ADCY8: variants seen among roughly 807,000 people sequenced by gnomAD.
ADCY8 encodes adenylate cyclase 8, also known as adenylate cyclase type 8.
ADCY8 carries 51 observed loss-of-function variants against 119.7 expected under a neutral mutation model. The observed-to-expected ratio is 0.43, with a 90% confidence interval of 0.34 to 0.54. The LOEUF is 0.54. ADCY8 is among the 20% of genes least tolerant of loss of function. The pLI is 0.03. For synonymous variants in ADCY8, 665 were observed against 651.0 expected (o/e 1.02, Z -0.33); for missense variants, 1,383 against 1,598.8 (o/e 0.87, Z 2.30).
Position 130,800,715 on chromosome 8 carries a change from A to G in ADCY8, c.2914-143T>C. 5.5e-6 allele frequency: 5 copies of G among 905,402 alleles called. No homozygotes were observed. In the South Asian group the frequency reaches 8.4e-5, roughly 15 times the overall value. The allele number at this position is 905,402 out of a possible 1,614,324, so 56.1% of individuals were successfully genotyped here. On this transcript the variant is annotated intron_variant, in intron 14 of 17. Transcript: ENST00000286355. ...AATGAGGCTTGGATATCGTTATGTC[A>G]ACAGTGTGTTTTAGTCCATGTGGGC... is the stretch of plus-strand genomic sequence containing the variant.
rs183368238 is a variant in ADCY8 at position 130,842,944 on chromosome 8, T to C, written c.2502+4480A>G. On this transcript the variant is annotated intron_variant, in intron 11 of 17. Coordinates refer to ENST00000286355, the MANE Select transcript of ADCY8 (RefSeq NM_001115.3). ...GAGTTGGTCTTCTTTGGTTGATTTT[T>C]TTCCCTCATTATCAGTCATATTTTC... is the stretch of plus-strand genomic sequence containing the variant. 3.9e-5 allele frequency among the ~76,000 whole-genome samples: 6 copies of C among 152,240 alleles called. No individual in the cohort carries two copies. The East Asian group carries it at 1.2e-3, about 29-fold the overall frequency.
chr8:131,037,533 C>T (rs960112279), intron 1 of ADCY8, among the ~76,000 whole-genome samples: 2 of 151,948 alleles, frequency 1.3e-5, no homozygotes, highest in Non-Finnish European at 2.9e-5. Flanking sequence ...CTGAGAAAGG[C>T]TATTGCGTGA....
Position 131,040,151 on chromosome 8 carries a change from C to CCCGCTG in ADCY8, c.177_182dup (p.Ser62_Gly63dup), listed in dbSNP as rs1359729000. On this transcript the variant is annotated inframe_insertion, in exon 1 of 18. Transcript: ENST00000286355. ...CCGAGGCTTTGCCCGAGCCTCCACT[C>CCCGCTG]CCGCTGCCGCTGCCTCCCCGGTGCC... 1 of 1,532,828 alleles carries CCCGCTG rather than the reference C, an allele frequency of 6.5e-7. No homozygotes were observed. The highest frequency in any genetic ancestry group is 8.7e-7 in the Non-Finnish European group (1 of 1,145,440). 95.0% of individuals were successfully genotyped at this position (1,532,828 alleles called of 1,614,324 possible). A position where few individuals can be genotyped will look rare whatever the true frequency, so the allele number is the denominator to read the frequency against.
chr8:131,002,564 TAC>T (rs1822984279), intron 1 of ADCY8, among the ~76,000 whole-genome samples: 1 of 151,992 alleles, frequency 6.6e-6, no homozygotes, highest in African/African-American at 2.4e-5. Flanking sequence ...TTATAAATAG[TAC>T]ACACTGAATT....
At chr8:130,905,407 A>G (rs1486544510) in intron 6 of ADCY8, among the ~76,000 whole-genome samples, 1 of 152,188 alleles carries the variant, frequency 6.6e-6, no homozygotes. Flanking sequence ...GATTCAACGT[A>G]CTATTTGGTG....
At position 130,836,268 on chromosome 8, in the gene ADCY8, G is replaced by A. The variant is rs1414419176; in HGVS notation, c.2675+9C>T. 1.9e-6 allele frequency: 3 copies of A among 1,606,278 alleles called. No homozygotes were observed. Among genetic ancestry groups the A allele is most frequent in the African/African-American group, 2.7e-5 (2 of 74,652 alleles). On this transcript the variant is annotated intron_variant, in intron 12 of 17. Coordinates refer to ENST00000286355, the MANE Select transcript of ADCY8 (RefSeq NM_001115.3). ...AGCACACTTTGGACTCACGGTGGTG[G>A]GCACTTACTCTCCACTGTGGTTGAG...
intron 14 of ADCY8, among the ~76,000 whole-genome samples, chr8:130,809,018 A>T (rs899071581): frequency 4.3e-4 from 66 of 152,308 alleles, no homozygotes; most frequent in African/African-American, 1.5e-3. Context: ...GTTCCTGACC[A>T]GAGGAAGTGA....
chr8:130,945,926 C>A (rs570569080), intron 3 of ADCY8, among the ~76,000 whole-genome samples: 13 of 152,158 alleles, frequency 8.5e-5, no homozygotes, highest in Non-Finnish European at 1.6e-4. Context: ...CTGAGGCCTA[C>A]GTATCTTGCC....
intron 14 of ADCY8, among the ~76,000 whole-genome samples, chr8:130,808,190 C>G (rs970058006): frequency 5.3e-5 from 8 of 152,024 alleles, no homozygotes; most frequent in African/African-American, 1.7e-4. Context: ...GTCTTGTCTT[C>G]CCACAGAAAC....
In ADCY8 at chr8:130,836,158, A is replaced by G. The variant is rs1314090892; in HGVS notation, c.2675+119T>C. 2.6e-5 allele frequency: 29 copies of G among 1,127,938 alleles called. No individual in the cohort carries two copies. In the Admixed American group the frequency reaches 7.2e-4, roughly 28 times the overall value. The allele number at this position is 1,127,938 out of a possible 1,614,324, so 69.9% of individuals were successfully genotyped here. ...AACTACAGAATGCCTGATTTGAGAT[A>G]TAAGTCAATATCCAATCAGGCCTTA... On this transcript the variant is annotated intron_variant, in intron 12 of 17. Coordinates refer to ENST00000286355, the MANE Select transcript of ADCY8 (RefSeq NM_001115.3).
intron 1 of ADCY8, among the ~76,000 whole-genome samples, chr8:131,032,656 C>G (rs540816618): frequency 5.3e-5 from 8 of 152,260 alleles, no homozygotes; most frequent in African/African-American, 1.7e-4. Flanking sequence ...TCCTCTCCCC[C>G]ACAGGGCTGA....
At chr8:130,846,855 C>A (rs72712471) in intron 11 of ADCY8, among the ~76,000 whole-genome samples, 1 of 29,394 alleles carries the variant, frequency 3.4e-5, no homozygotes, top group Non-Finnish European at 6.0e-5. Flanking sequence ...CTTCCTTCCT[C>A]CCCTCCCCTC....
At chr8:130,992,396 T>TGAGCAACTGTGCCTGGC (rs1822613964) in intron 1 of ADCY8, among the ~76,000 whole-genome samples, 1 of 28,858 alleles carries the variant, frequency 3.5e-5, no homozygotes, top group African/African-American at 1.5e-4. Flanking sequence ...TATATATATA[T>TGAGCAACTGTGCCTGGC]ATATATATAT....
intron 9 of ADCY8, among the ~76,000 whole-genome samples, chr8:130,851,849 G>A (rs1452450058): frequency 6.6e-6 from 1 of 152,146 alleles, no homozygotes; most frequent in Non-Finnish European, 1.5e-5. Context: ...GTTGATTTTG[G>A]ACACAATGCA....
At chr8:130,998,474 C>A (rs1173945320) in intron 1 of ADCY8, among the ~76,000 whole-genome samples, 1 of 152,160 alleles carries the variant, frequency 6.6e-6, no homozygotes, top group Non-Finnish European at 1.5e-5. Flanking sequence ...TGGGGAAGAG[C>A]TTTCAGAAGC....
At chr8:131,025,303 A>G (rs1823788625) in intron 1 of ADCY8, among the ~76,000 whole-genome samples, 1 of 152,216 alleles carries the variant, frequency 6.6e-6, no homozygotes, top group African/African-American at 2.4e-5. Context: ...TTATTGAGAT[A>G]AAGTGGCCTT....
intron 14 of ADCY8, among the ~76,000 whole-genome samples, chr8:130,803,134 C>G (rs1327371102): frequency 6.6e-6 from 1 of 152,244 alleles, no homozygotes; most frequent in Non-Finnish European, 1.5e-5. Context: ...AACAAAGACA[C>G]AAACCCTGTT....
intron 12 of ADCY8, among the ~76,000 whole-genome samples, chr8:130,826,491 C>A (rs1035177791): frequency 6.6e-6 from 1 of 152,140 alleles, no homozygotes; most frequent in Non-Finnish European, 1.5e-5. Flanking sequence ...TAATTCCCTC[C>A]AAATGCTTTT....
chr8:131,036,037 T>A (rs1824142760), intron 1 of ADCY8, among the ~76,000 whole-genome samples: 2 of 152,194 alleles, frequency 1.3e-5, no homozygotes, highest in Non-Finnish European at 2.9e-5. Context: ...CCTCAGTCTT[T>A]AATAGTTTCA....
Sources: gnomAD v4.1 joint callset for allele counts (sites outside exome capture counted in the v4.1 genomes callset) on GRCh38, gnomAD v4.1.1 for gene constraint, MANE v1.5 for transcripts, NCBI Gene and HGNC (gene_info 2026-07-23, HGNC 2026-07-21) for gene names.